The following JAZF1 variants were observed in gnomAD, a reference collection of about 807,000 sequenced individuals.
The protein encoded by JAZF1 is juxtaposed with another zinc finger protein 1.
Under a neutral mutation model 26.4 loss-of-function variants are expected in JAZF1, and 8 were observed. That is an observed-to-expected ratio of 0.30 (90% CI 0.18 to 0.55). The LOEUF (loss-of-function observed/expected upper bound fraction) is 0.55. JAZF1 is among the 20% of genes least tolerant of loss of function. The pLI is 0.94. For synonymous variants in JAZF1, 126 were observed against 122.3 expected (o/e 1.03, Z -0.20); for missense variants, 199 against 322.0 (o/e 0.62, Z 2.92).
chr7:27,948,565 C>G (rs899364352), intron 2 of JAZF1, among the ~76,000 whole-genome samples: 4 of 152,190 alleles, frequency 2.6e-5, no homozygotes, highest in African/African-American at 9.7e-5. Context: ...CATTTGTACA[C>G]CCCTGTATTT....
intron 1 of JAZF1, among the ~76,000 whole-genome samples, chr7:28,039,890 G>C (rs1783360096): frequency 6.6e-6 from 1 of 152,194 alleles, no homozygotes; most frequent in African/African-American, 2.4e-5. Context: ...GTCAGTTAAA[G>C]TCAGGCCTAA....
chr7:28,163,043 C>T (rs1196389797), intron 1 of JAZF1, among the ~76,000 whole-genome samples: 3 of 152,196 alleles, frequency 2.0e-5, no homozygotes, highest in Non-Finnish European at 4.4e-5. Flanking sequence ...TGAGGAGAAA[C>T]AGGAAGATAC....
At chr7:28,174,589 C>A (rs529237690) in intron 1 of JAZF1, among the ~76,000 whole-genome samples, 2 of 152,302 alleles carry the variant, frequency 1.3e-5, no homozygotes, top group Admixed American at 6.5e-5. Flanking sequence ...AGGCAGAGTT[C>A]TGGTGTCTGT....
At chr7:28,075,316 C>T (rs1784033910) in intron 1 of JAZF1, among the ~76,000 whole-genome samples, 1 of 152,206 alleles carries the variant, frequency 6.6e-6, no homozygotes, top group Admixed American at 6.5e-5. Flanking sequence ...AGCTTCTCCC[C>T]ACTCCTCCTG....
intron 1 of JAZF1, among the ~76,000 whole-genome samples, chr7:28,006,873 G>T (rs901451418): frequency 6.6e-6 from 1 of 152,118 alleles, no homozygotes; most frequent in Non-Finnish European, 1.5e-5. Context: ...AACTTTTAAG[G>T]TGATTTTATT....
chr7:27,956,529 A>T (rs1288308567), intron 2 of JAZF1, among the ~76,000 whole-genome samples: 1 of 152,180 alleles, frequency 6.6e-6, no homozygotes. Flanking sequence ...CTCCACTTGG[A>T]ATCTTCATTT....
rs1054101294 is a variant in JAZF1, at chr7:28,180,715, G to A, written c.-138C>T. ...GCGGGGTGAGGGGAGCGGCGAGGAC[G>A]GGACGGAGGGAGAGGGGGCGAGAGA... On this transcript the variant is annotated 5_prime_UTR_variant, in exon 1 of 5. Coordinates refer to ENST00000283928, the MANE Select transcript of JAZF1 (RefSeq NM_175061.4). The A allele has an allele frequency of 2.1e-5, 12 of 581,478 alleles. No homozygotes were observed. The highest frequency in any genetic ancestry group is 1.2e-4 in the South Asian group (6 of 50,198). The allele number at this position is 581,478 out of a possible 1,614,324, so 36.0% of individuals were successfully genotyped here.
chr7:28,059,784 T>C (rs1243712268), intron 1 of JAZF1, among the ~76,000 whole-genome samples: 4 of 152,230 alleles, frequency 2.6e-5, no homozygotes, highest in African/African-American at 7.2e-5. Flanking sequence ...TCTGAAGACA[T>C]TGTCCCACTA....
At chr7:28,019,825 T>C (rs567960250) in intron 1 of JAZF1, among the ~76,000 whole-genome samples, 14 of 152,204 alleles carry the variant, frequency 9.2e-5, no homozygotes, top group Admixed American at 6.5e-5. Context: ...GGTCACAGGC[T>C]CTGCGACAAA....
At chr7:28,077,779 C>A (rs543654437) in intron 1 of JAZF1, among the ~76,000 whole-genome samples, 4 of 152,268 alleles carry the variant, frequency 2.6e-5, no homozygotes, top group African/African-American at 9.6e-5. Flanking sequence ...TTACTGTATT[C>A]TGCTCTCTCC....
rs1180285489 is a variant in JAZF1, at chr7:28,180,420, T to G, written c.115+43A>C. The stretch of plus-strand genomic sequence containing the variant: ...CCGGGGCTCCCCGCCCGGGCAGGAG[T>G]TTCCGCGCGCCTGGCACCCCCGCCC... On this transcript the variant is annotated intron_variant, in intron 1 of 4. Coordinates refer to ENST00000283928, the MANE Select transcript of JAZF1 (RefSeq NM_175061.4). The G allele has an allele frequency of 5.5e-6, 8 of 1,460,050 alleles. No homozygotes were observed. The African/African-American group carries it at 6.3e-5, about 11-fold the overall frequency. 90.4% of individuals were successfully genotyped at this position (1,460,050 alleles called of 1,614,324 possible).
intron 1 of JAZF1, among the ~76,000 whole-genome samples, chr7:28,070,215 G>C (rs62449901): frequency 0.13 from 20,086 of 152,120 alleles, 1,507 homozygotes; most frequent in Non-Finnish European, 0.18. Flanking sequence ...ATTGTGTTTA[G>C]AGAAATTTTT....
At chr7:28,152,326 A>G (rs1163704388) in intron 1 of JAZF1, among the ~76,000 whole-genome samples, 2 of 152,216 alleles carry the variant, frequency 1.3e-5, no homozygotes, top group Non-Finnish European at 2.9e-5. Flanking sequence ...TGAATACCTA[A>G]AAGTCCTGTA....
At chr7:27,849,760 C>G (rs923302848) in intron 3 of JAZF1, among the ~76,000 whole-genome samples, 1 of 146,366 alleles carries the variant, frequency 6.8e-6, no homozygotes, top group Admixed American at 6.6e-5. Context: ...CAGACACACA[C>G]ACACACACAC....
intron 1 of JAZF1, among the ~76,000 whole-genome samples, chr7:28,028,941 G>A (rs140505365): frequency 3.8e-4 from 58 of 152,008 alleles, no homozygotes; most frequent in Non-Finnish European, 5.0e-4. Context: ...TGGTTTTCAT[G>A]GTACATGGAA....
chr7:27,918,371 C>T (rs1231009228), intron 2 of JAZF1, among the ~76,000 whole-genome samples: 3 of 152,136 alleles, frequency 2.0e-5, no homozygotes, highest in African/African-American at 4.8e-5. Flanking sequence ...GTGTGAACAA[C>T]AATTGCAACT....
At chr7:27,954,487 C>T (rs1785055366) in intron 2 of JAZF1, among the ~76,000 whole-genome samples, 2 of 152,148 alleles carry the variant, frequency 1.3e-5, no homozygotes, top group South Asian at 4.1e-4. Flanking sequence ...TCGATCTTGT[C>T]CTCCACCCCT....
intron 2 of JAZF1, among the ~76,000 whole-genome samples, chr7:27,957,688 A>G (rs1304974842): frequency 6.6e-6 from 1 of 152,212 alleles, no homozygotes; most frequent in South Asian, 2.1e-4. Flanking sequence ...GACTACTGCA[A>G]TTACACAGTA....
At chr7:28,023,396 C>T (rs558383875) in intron 1 of JAZF1, among the ~76,000 whole-genome samples, 6 of 152,240 alleles carry the variant, frequency 3.9e-5, no homozygotes, top group East Asian at 3.9e-4. Flanking sequence ...TAATTCGAAA[C>T]GATTTTCCAA....
Sources: allele counts gnomAD v4.1 joint callset (sites outside exome capture counted in the v4.1 genomes callset), GRCh38; gene constraint gnomAD v4.1.1; transcripts MANE v1.5; gene names NCBI Gene and HGNC (gene_info 2026-07-23, HGNC 2026-07-21).